FAM220A: variants seen among roughly 807,000 people sequenced by gnomAD.
FAM220A encodes the protein family with sequence similarity 220 member A.
For missense variants in FAM220A, 392 were observed against 321.6 expected (o/e 1.22, Z -1.68); for synonymous variants, 141 against 130.7 (o/e 1.08, Z -0.54).
chr7:6,333,313 G>C (rs541976746), intron 1 of FAM220A, among the ~76,000 whole-genome samples: 2 of 152,202 alleles, frequency 1.3e-5, no homozygotes, highest in Admixed American at 1.3e-4. Context: ...GGAGCCAGCC[G>C]AGAAGCTTCA....
chr7:6,331,073 A>C lies in FAM220A; in HGVS notation c.82T>G (p.Cys28Gly), dbSNP rs555209057. ...AGGGDSDKLS[C>G]SLKKRMPEGP... is the part of the protein sequence containing the mutation. Reference sequence around the variant, plus strand: ...TCCGGCATTCTTTTCTTAAGGCTGCATGATAGTTTGTCCGAGTCACCTCCT... The same window carrying C: ...TCCGGCATTCTTTTCTTAAGGCTGCCTGATAGTTTGTCCGAGTCACCTCCT... The change falls in exon 2 of 2, where the codon TGC (cysteine) becomes GGC (glycine). Residue 28 changes from cysteine (C) to glycine (G), a missense_variant. By Grantham distance (159) the Cys-to-Gly change is radical. Coordinates refer to ENST00000313324, the MANE Select transcript of FAM220A (RefSeq NM_001037163.2). The C allele has an allele frequency of 1.2e-6, 2 of 1,613,520 alleles. No individual in the cohort carries two copies. Among genetic ancestry groups the C allele is most frequent in the Non-Finnish European group, 1.7e-6 (2 of 1,180,042 alleles).
rs370901935 is a variant in FAM220A, at chr7:6,330,411, T to G, written c.744A>C (p.Gln248His). The change falls in exon 2 of 2, where the codon CAA (glutamine) becomes CAC (histidine). Residue 248 changes from glutamine to histidine, a missense_variant. By Grantham distance (24) the Gln-to-His change is conservative. Coordinates refer to ENST00000313324, the MANE Select transcript of FAM220A (RefSeq NM_001037163.2). ...ATAATGTATTTGCTAATTCAAAAGG[T>G]TGCAGAGCCAGTAACCCCAGTGTTA... ...LQITLGLLAL[Q>H]PFELANTLCH... 8 of 1,613,860 alleles carry G rather than the reference T, an allele frequency of 5.0e-6. No homozygotes were observed. In the African/African-American group the frequency reaches 1.1e-4, roughly 22 times the overall value.
Position 6,348,867 on chromosome 7 carries a change from G to A in FAM220A, c.-376C>T. The A allele has an allele frequency of 2.6e-6, 1 of 389,326 alleles. No homozygotes were observed. The highest frequency in any genetic ancestry group is 4.5e-6 in the Non-Finnish European group (1 of 220,504). The allele number at this position is 389,326 out of a possible 1,614,324, so 24.1% of individuals were successfully genotyped here. On this transcript the variant is annotated 5_prime_UTR_variant, in exon 1 of 2. Coordinates refer to ENST00000313324, the MANE Select transcript of FAM220A (RefSeq NM_001037163.2). ...CAGGGAGCGAAGGAGGCGGCGGCTA[G>A]ACCGGCGGGCGGGCGGGCCGCAGTG... is the stretch of plus-strand genomic sequence containing the variant.
At position 6,331,165 on chromosome 7, in the gene FAM220A, C is replaced by G. The variant is rs370630640; in HGVS notation, c.-11G>C. 6.2e-7 allele frequency: 1 copy of G among 1,605,496 alleles called. No homozygotes were observed. The highest frequency in any genetic ancestry group is 1.3e-5 in the African/African-American group (1 of 74,816). On this transcript the variant is annotated 5_prime_UTR_variant, in exon 2 of 2. Transcript: ENST00000313324. Reference sequence around the variant, plus strand: ...TCTTCTGTCCCTCATGCTTCGTGTTCTTGGATGCGGTGGGCCTGAGGTCAC... The same window carrying G: ...TCTTCTGTCCCTCATGCTTCGTGTTGTTGGATGCGGTGGGCCTGAGGTCAC...
intron 1 of FAM220A, among the ~76,000 whole-genome samples, chr7:6,332,936 A>G (rs970708067): frequency 1.3e-5 from 2 of 152,098 alleles, no homozygotes; most frequent in Non-Finnish European, 2.9e-5. Context: ...CAAGGCGGAC[A>G]AATCATGAGG....
chr7:6,333,168 CAAAAAAAA>C (rs111863837), intron 1 of FAM220A, among the ~76,000 whole-genome samples: 1 of 127,998 alleles, frequency 7.8e-6, no homozygotes, highest in African/African-American at 2.7e-5. Flanking sequence ...ATAAAAAAAT[CAAAAAAAA>C]AAAAACAAAA....
chr7:6,346,663 G>C (rs529009365), intron 1 of FAM220A, among the ~76,000 whole-genome samples: 2 of 152,270 alleles, frequency 1.3e-5, no homozygotes, highest in East Asian at 3.9e-4. Context: ...TTACTTACAG[G>C]AGTGAGCTAC....
Position 6,330,442 on chromosome 7 carries a change from A to G in FAM220A, c.713T>C (p.Leu238Pro). The G allele has an allele frequency of 6.2e-7, 1 of 1,614,208 alleles. No individual in the cohort carries two copies. The highest frequency in any genetic ancestry group is 8.5e-7 in the Non-Finnish European group (1 of 1,180,038). The change falls in exon 2 of 2, where the codon CTG becomes CCG. Residue 238 changes from leucine to proline, a missense_variant. Leu to Pro is a moderately conservative substitution (Grantham distance 98). Coordinates refer to ENST00000313324, the MANE Select transcript of FAM220A (RefSeq NM_001037163.2). ...KKMLKSTSDG[L>P]QITLGLLALQ... Reference sequence around the variant, plus strand: ...AGCCAGTAACCCCAGTGTTATCTGCAGACCATCTGAGGTGCTTTTAAGCAT... The same window carrying G: ...AGCCAGTAACCCCAGTGTTATCTGCGGACCATCTGAGGTGCTTTTAAGCAT...
Position 6,330,873 on chromosome 7 carries a change from TG to T in FAM220A, c.281del (p.Pro94GlnfsTer111). On this transcript the variant is annotated frameshift_variant, in exon 2 of 2. Coordinates refer to ENST00000313324, the MANE Select transcript of FAM220A (RefSeq NM_001037163.2). LOFTEE classifies it low-confidence loss of function (END_TRUNC). The part of the protein sequence containing the change: ...PYVRESVRRN[P>X]ASAATPSTAV... ...CTGTGCTCGGAGTGGCTGCTGAGGCTGGATTTCTTCTTACTGATTCTCTCAC... is the reference window on the plus strand; with the variant it reads ...CTGTGCTCGGAGTGGCTGCTGAGGCTGATTTCTTCTTACTGATTCTCTCAC... The T allele has an allele frequency of 6.2e-7, 1 of 1,614,196 alleles. No individual in the cohort carries two copies. The highest frequency in any genetic ancestry group is 8.5e-7 in the Non-Finnish European group (1 of 1,180,020).
chr7:6,347,200 G>A (rs1204568389), intron 1 of FAM220A, among the ~76,000 whole-genome samples: 1 of 152,102 alleles, frequency 6.6e-6, no homozygotes, highest in Non-Finnish European at 1.5e-5. Flanking sequence ...AAAGGCAACT[G>A]GAATTCAAGG....
At chr7:6,343,148 G>T (rs2115146994) in intron 1 of FAM220A, among the ~76,000 whole-genome samples, 1 of 151,684 alleles carries the variant, frequency 6.6e-6, no homozygotes, top group African/African-American at 2.4e-5. Flanking sequence ...AGGCCGAGGA[G>T]GGTGGATCCC....
rs990644513 is a variant in FAM220A at position 6,340,131 on chromosome 7, C to T, written c.-82+8442G>A. Among the ~76,000 whole-genome samples the T allele has an allele frequency of 2.6e-5, 4 of 152,064 alleles. No individual in the cohort carries two copies. In the East Asian group the frequency reaches 5.8e-4, roughly 22 times the overall value. On this transcript the variant is annotated intron_variant, in intron 1 of 1. Transcript: ENST00000313324. ...AACTCCTGACCTCAGGTGATCCGCC[C>T]GCCTCGGCCTCCCAAAGTGCTGGGA...
At position 6,330,503 on chromosome 7, in the gene FAM220A, G is replaced by C; in HGVS notation, c.652C>G (p.Pro218Ala). The change falls in exon 2 of 2, where the codon CCC becomes GCC. Residue 218 changes from proline to alanine, a missense_variant. Coordinates refer to ENST00000313324, the MANE Select transcript of FAM220A (RefSeq NM_001037163.2). ...TCTATTGTTTGCTTTGAAAACATGG[G>C]CTTTAAACGGTCAAGGAAAATGCGT... ...TKRIFLDRLK[P>A]MFSKQTIEFK... 1 of 1,614,126 alleles carries C rather than the reference G, an allele frequency of 6.2e-7. No individual in the cohort carries two copies. Among genetic ancestry groups the C allele is most frequent in the Non-Finnish European group, 8.5e-7 (1 of 1,180,034 alleles).
chr7:6,347,907 A>ATTT (rs1465166537), intron 1 of FAM220A, among the ~76,000 whole-genome samples: 4 of 146,164 alleles, frequency 2.7e-5, no homozygotes. Context: ...TATTATTATT[A>ATTT]TTATTATTAT....
intron 1 of FAM220A, among the ~76,000 whole-genome samples, chr7:6,333,765 C>G (rs956827995): frequency 6.3e-5 from 9 of 143,192 alleles, no homozygotes; most frequent in African/African-American, 2.3e-4. Flanking sequence ...ACTTGAAGAA[C>G]AAGTGTCTTT....
chr7:6,344,577 C>T (rs890882659), intron 1 of FAM220A, among the ~76,000 whole-genome samples: 1 of 152,074 alleles, frequency 6.6e-6, no homozygotes, highest in South Asian at 2.1e-4. Context: ...CACCACCACG[C>T]CCAGCTAATT....
intron 1 of FAM220A, among the ~76,000 whole-genome samples, chr7:6,333,826 C>G (rs1336452322): frequency 2.1e-5 from 3 of 143,340 alleles, no homozygotes; most frequent in Non-Finnish European, 4.5e-5. Context: ...AGAATGGTCT[C>G]GAACTCCTGG....
chr7:6,338,399 T>TA (rs1450707392), intron 1 of FAM220A, among the ~76,000 whole-genome samples: 1 of 152,120 alleles, frequency 6.6e-6, no homozygotes, highest in Admixed American at 6.6e-5. Flanking sequence ...ATGATGGTAT[T>TA]ACAAACAAAG....
In FAM220A at chr7:6,332,855, G is replaced by A. The variant is rs570854885; in HGVS notation, c.-81-1620C>T. Among the ~76,000 whole-genome samples, 5 of 152,090 alleles carry A rather than the reference G, an allele frequency of 3.3e-5. No individual in the cohort carries two copies. The East Asian group carries it at 5.8e-4, about 18-fold the overall frequency. Reference sequence around the variant, plus strand: ...CTTAATGCTAAATGGATGTATAACCGCATTAAGATTTGTTATAAATTTTGG... The same window carrying A: ...CTTAATGCTAAATGGATGTATAACCACATTAAGATTTGTTATAAATTTTGG... On this transcript the variant is annotated intron_variant, in intron 1 of 1. Coordinates refer to ENST00000313324, the MANE Select transcript of FAM220A (RefSeq NM_001037163.2).
Sources: gnomAD v4.1 joint callset for allele counts (sites outside exome capture counted in the v4.1 genomes callset) on GRCh38, gnomAD v4.1.1 for gene constraint, MANE v1.5 for transcripts, NCBI Gene and HGNC (gene_info 2026-07-23, HGNC 2026-07-21) for gene names.